LINGO1: variants seen among roughly 807,000 people sequenced by gnomAD.
LINGO1 encodes leucine rich repeat and Ig domain containing 1.
A neutral mutation model predicts 37.3 loss-of-function variants in LINGO1; 11 were observed. The observed-to-expected ratio is 0.29, with a 90% CI of 0.19 to 0.49. LINGO1 has a LOEUF of 0.49. LINGO1 is among the 20% of genes least tolerant of loss of function. The pLI is 0.99. For synonymous variants in LINGO1, 387 were observed against 403.0 expected, an observed-to-expected ratio of 0.96 and a Z score of 0.48; for missense variants, 585 against 878.2, an observed-to-expected ratio of 0.67 and a Z score of 4.22.
At chr15:77,711,284 T>G (rs2075914906) in intron 2 of LINGO1, among the ~76,000 whole-genome samples, 1 of 152,258 alleles carries the variant, frequency 6.6e-6, no homozygotes, top group East Asian at 1.9e-4. Context: ...TGCTTATTAT[T>G]TTGTCCTGTC....
At chr15:77,750,136 G>GC (rs1047289147) in intron 1 of LINGO1, among the ~76,000 whole-genome samples, 1 of 151,944 alleles carries the variant, frequency 6.6e-6, no homozygotes, top group African/African-American at 2.4e-5. Context: ...CGTCCCCGAT[G>GC]CCCCCCGAGA....
chr15:77,657,909 G>A (rs919077606), intron 3 of LINGO1, among the ~76,000 whole-genome samples: 2 of 152,174 alleles, frequency 1.3e-5, no homozygotes, highest in African/African-American at 4.8e-5. Context: ...GCACCAAGAC[G>A]TGACAAAAAT....
chr15:77,661,630 C>T lies in LINGO1; in HGVS notation c.-13+15459G>A, dbSNP rs151154122. Among the ~76,000 whole-genome samples the T allele has an allele frequency of 6.7e-3, 1,018 of 152,336 alleles. 14 individuals carry two copies. Among genetic ancestry groups the T allele is most frequent in the African/African-American group, 0.023 (962 of 41,572 alleles). On this transcript the variant is annotated intron_variant, in intron 3 of 3. Transcript: ENST00000559893. ...GCAGAAGGCAAGACCTTCTCTGGCC[C>T]GAGGGCTCAAACACTGCTGGGTAAA...
intron 1 of LINGO1, among the ~76,000 whole-genome samples, chr15:77,796,824 C>A (rs890338192): frequency 6.6e-6 from 1 of 152,154 alleles, no homozygotes; most frequent in East Asian, 1.9e-4. Flanking sequence ...GATCCTCCCA[C>A]CTCAGCCTCC....
At chr15:77,753,414 G>A (rs2076390065) in intron 1 of LINGO1, among the ~76,000 whole-genome samples, 1 of 152,212 alleles carries the variant, frequency 6.6e-6, no homozygotes, top group Admixed American at 6.5e-5. Context: ...ATGTTCAGCT[G>A]GGAGGAGACT....
chr15:77,791,986 C>T (rs1342337654), upstream of LINGO1, among the ~76,000 whole-genome samples: 4 of 152,104 alleles, frequency 2.6e-5, no homozygotes, highest in Non-Finnish European at 5.9e-5. Context: ...TTCTTCTCTA[C>T]ATCATCTTGT....
chr15:77,772,585 T>TG lies in LINGO1; in HGVS notation c.-257+14283dup, dbSNP rs148821111. On this transcript the variant is annotated intron_variant, in intron 1 of 3. Coordinates refer to the LINGO1 transcript ENST00000561686. ...CCATAGACTCGGCTGGGGGCTGGGG[T>TG]GGGGGGTCTATGGTTTAAAATAAAG... Among the ~76,000 whole-genome samples the TG allele has an allele frequency of 1.3e-3, 202 of 151,700 alleles. 1 individual carries two copies. Among genetic ancestry groups the TG allele is most frequent in the African/African-American group, 4.3e-3 (179 of 41,370 alleles).
chr15:77,663,878 G>A (rs1354434454), intron 3 of LINGO1, among the ~76,000 whole-genome samples: 2 of 152,074 alleles, frequency 1.3e-5, no homozygotes, highest in African/African-American at 4.8e-5. Context: ...CAGAGGAAAT[G>A]CTCAGGCCCA....
chr15:77,746,043 C>T (rs754362987), intron 1 of LINGO1, among the ~76,000 whole-genome samples: 9 of 150,326 alleles, frequency 6.0e-5, no homozygotes, highest in South Asian at 2.1e-4. Flanking sequence ...AACCCTGTCT[C>T]TACAAAAAAA....
intron 1 of LINGO1, among the ~76,000 whole-genome samples, chr15:77,762,907 T>C (rs2076491474): frequency 6.6e-6 from 1 of 152,160 alleles, no homozygotes; most frequent in Non-Finnish European, 1.5e-5. Context: ...CCTAAGGGAC[T>C]GAGGCTGATT....
intron 1 of LINGO1, among the ~76,000 whole-genome samples, chr15:77,763,824 C>T (rs751922683): frequency 2.4e-4 from 36 of 152,144 alleles, no homozygotes; most frequent in African/African-American, 7.2e-4. Context: ...CCTCCCACTT[C>T]CCCAGGCAGC....
At chr15:77,645,280 C>T (rs557242645) in intron 3 of LINGO1, among the ~76,000 whole-genome samples, 24 of 152,174 alleles carry the variant, frequency 1.6e-4, no homozygotes, top group Middle Eastern at 3.4e-3. Context: ...GTAGGGACTC[C>T]ACACATCACA....
intron 1 of LINGO1, among the ~76,000 whole-genome samples, chr15:77,694,467 A>G (rs1339579973): frequency 6.6e-6 from 1 of 152,000 alleles, no homozygotes; most frequent in Admixed American, 6.5e-5. Context: ...CATCCCCAGT[A>G]GTCACCCCAC....
At chr15:77,646,389 A>AGTCCTGCCTCC in intron 3 of LINGO1, 1 of 450,784 alleles carries the variant, frequency 2.2e-6, no homozygotes. Flanking sequence ...TCCCCACAGG[A>AGTCCTGCCTCC]CACCCCTCTG....
chr15:77,765,665 C>T (rs923445843), intron 1 of LINGO1, among the ~76,000 whole-genome samples: 1 of 152,018 alleles, frequency 6.6e-6, no homozygotes, highest in Non-Finnish European at 1.5e-5. Context: ...TGGAAGGCAC[C>T]CAGCCCACCC....
intron 1 of LINGO1, among the ~76,000 whole-genome samples, chr15:77,768,137 C>A (rs2076547708): frequency 6.6e-6 from 1 of 152,192 alleles, no homozygotes; most frequent in African/African-American, 2.4e-5. Flanking sequence ...CCCTAACCTG[C>A]AAATGTTCAC....
chr15:77,795,382 C>G (rs1233995283), intron 2 of LINGO1, among the ~76,000 whole-genome samples: 1 of 152,218 alleles, frequency 6.6e-6, no homozygotes, highest in Non-Finnish European at 1.5e-5. Context: ...AAGAACACAT[C>G]TCCTCTGTTC....
intron 3 of LINGO1, among the ~76,000 whole-genome samples, chr15:77,653,376 C>G (rs1248363575): frequency 6.6e-6 from 1 of 152,204 alleles, no homozygotes; most frequent in Non-Finnish European, 1.5e-5. Flanking sequence ...TGGTATCTTC[C>G]TGAGGAATGA....
chr15:77,775,009 C>T lies in LINGO1; in HGVS notation c.-257+11860G>A, dbSNP rs550137250. 6.6e-4 allele frequency among the ~76,000 whole-genome samples: 100 copies of T among 152,330 alleles called. 1 individual carries two copies. Among genetic ancestry groups the T allele is most frequent in the African/African-American group, 2.3e-3 (94 of 41,562 alleles). ...GGCTGGGACTAGAACCCACGTCTCA[C>T]GTCGCCTGGGGCTGGGCCTCAGAGG... On this transcript the variant is annotated intron_variant, in intron 1 of 3. Coordinates refer to the LINGO1 transcript ENST00000561686.
Sources: allele counts gnomAD v4.1 joint callset (sites outside exome capture counted in the v4.1 genomes callset), GRCh38; gene constraint gnomAD v4.1.1; transcripts MANE v1.5; gene names NCBI Gene and HGNC (gene_info 2026-07-23, HGNC 2026-07-21).